The following CLYBL variants were observed in gnomAD, a reference collection of about 807,000 sequenced individuals.
The protein encoded by CLYBL is citramalyl-CoA lyase.
Under a neutral mutation model 38.9 loss-of-function variants are expected in CLYBL, and 31 were observed. The ratio of observed to expected loss-of-function variants is 0.80; its 90% CI spans 0.60 to 1.08. The LOEUF is 1.08. Ranked by LOEUF, CLYBL falls within the 50% of genes least tolerant of loss-of-function variation. The pLI, the probability that CLYBL is intolerant of heterozygous loss-of-function variation, is 0.00. For missense variants in CLYBL, 434 were observed against 411.6 expected (o/e 1.05, Z -0.47); for synonymous variants, 171 against 158.6 (o/e 1.08, Z -0.59).
At chr13:99,702,072 T>C (rs1040774713) in intron 1 of CLYBL, among the ~76,000 whole-genome samples, 1 of 152,236 alleles carries the variant, frequency 6.6e-6, no homozygotes, top group Admixed American at 6.5e-5. Context: ...ACTGATTGTC[T>C]ACTATGTGTT....
At chr13:99,778,429 T>C (rs1027119380) in intron 2 of CLYBL, among the ~76,000 whole-genome samples, 2 of 152,206 alleles carry the variant, frequency 1.3e-5, no homozygotes, top group African/African-American at 4.8e-5. Context: ...GTCACTTCAT[T>C]TTATATCTCA....
intron 2 of CLYBL, among the ~76,000 whole-genome samples, chr13:99,818,803 A>G (rs1461717329): frequency 6.6e-6 from 1 of 152,162 alleles, no homozygotes; most frequent in African/African-American, 2.4e-5. Flanking sequence ...ATATAATTTT[A>G]CATTAGCTCT....
At chr13:99,784,273 A>G (rs2138854234) in intron 2 of CLYBL, among the ~76,000 whole-genome samples, 1 of 152,248 alleles carries the variant, frequency 6.6e-6, no homozygotes, top group East Asian at 1.9e-4. Flanking sequence ...AGTCAAAGAT[A>G]TTACTAATGT....
Position 99,759,325 on chromosome 13 carries a change from A to G in CLYBL, c.63-13499A>G, listed in dbSNP as rs536962686. On this transcript the variant is annotated intron_variant, in intron 1 of 8. Transcript: ENST00000339105. ...GAAAGCAGGGGATAAACAGAGGAGCAGAAGCAACAGGTGGTGGATTGGATT... is the reference window on the plus strand; with the variant it reads ...GAAAGCAGGGGATAAACAGAGGAGCGGAAGCAACAGGTGGTGGATTGGATT... 2.6e-5 allele frequency among the ~76,000 whole-genome samples: 4 copies of G among 152,362 alleles called. No individual in the cohort carries two copies. The South Asian group carries it at 8.3e-4, about 32-fold the overall frequency.
At position 99,629,694 on chromosome 13, in the gene CLYBL, C is replaced by G. The variant is rs149104203; in HGVS notation, c.62+22937C>G. ...CTGTCCTTCATCTCAAAGACTGTTTCTTTAAAGTGGACACAGATGGGATTG... is the reference window on the plus strand; with the variant it reads ...CTGTCCTTCATCTCAAAGACTGTTTGTTTAAAGTGGACACAGATGGGATTG... On this transcript the variant is annotated intron_variant, in intron 1 of 8. Coordinates refer to ENST00000339105, the MANE Select transcript of CLYBL (RefSeq NM_206808.5). Among the ~76,000 whole-genome samples the G allele has an allele frequency of 1.8e-3, 275 of 152,296 alleles. 1 individual carries two copies. Among genetic ancestry groups the G allele is most frequent in the Non-Finnish European group, 3.3e-3 (224 of 68,026 alleles).
In CLYBL at chr13:99,908,772, C is replaced by T. The variant is rs191904964; in HGVS notation, c.*878C>T. Among the ~76,000 whole-genome samples the T allele has an allele frequency of 3.9e-5, 6 of 152,250 alleles. No individual in the cohort carries two copies. In the East Asian group the frequency reaches 1.2e-3, roughly 29 times the overall value. On this transcript the variant is annotated 3_prime_UTR_variant and NMD_transcript_variant, in exon 10 of 10. Transcript: ENST00000689673. ...GTGAGGTTGGATTTAACCACAGAGGCAGAAAGTTGGTCTACTTTGCTCGTT... is the reference window on the plus strand; with the variant it reads ...GTGAGGTTGGATTTAACCACAGAGGTAGAAAGTTGGTCTACTTTGCTCGTT...
At chr13:99,885,965 G>A (rs1447148394) in intron 7 of CLYBL, among the ~76,000 whole-genome samples, 2 of 152,156 alleles carry the variant, frequency 1.3e-5, no homozygotes, top group African/African-American at 4.8e-5. Context: ...ATTTGATCAC[G>A]GCCAACACTG....
In CLYBL at chr13:99,772,812, C is replaced by A; in HGVS notation, c.63-12C>A. ...TCTCATTCTGGACTAACCCCAATCA[C>A]GTGTCTTGCAGGAAAGCGTCTCTAG... On this transcript the variant is annotated splice_polypyrimidine_tract_variant and intron_variant, in intron 1 of 8. Transcript: ENST00000339105. 1.9e-6 allele frequency: 3 copies of A among 1,577,648 alleles called. No homozygotes were observed. The highest frequency in any genetic ancestry group is 2.6e-6 in the Non-Finnish European group (3 of 1,168,296).
chr13:99,907,446 GA>G lies in CLYBL; in HGVS notation c.*161-599del, dbSNP rs376686044. Among the ~76,000 whole-genome samples the G allele has an allele frequency of 9.3e-4, 137 of 147,370 alleles. No homozygotes were observed. In the South Asian group the frequency reaches 0.018, roughly 19 times the overall value. On this transcript the variant is annotated intron_variant and NMD_transcript_variant, in intron 9 of 9. Coordinates refer to the CLYBL transcript ENST00000689673. ...ATGTTAAAAAGAAATCACAACACTGGAAAAAAAAAACAATAAAATGTTAGCA... is the reference window on the plus strand; with the variant it reads ...ATGTTAAAAAGAAATCACAACACTGGAAAAAAAAACAATAAAATGTTAGCA...
chr13:99,644,290 G>A (rs1057132636), intron 1 of CLYBL, among the ~76,000 whole-genome samples: 5 of 151,606 alleles, frequency 3.3e-5, no homozygotes, highest in Admixed American at 6.6e-5. Context: ...GCATGTGCAA[G>A]CTCTCACTAT....
intron 2 of CLYBL, among the ~76,000 whole-genome samples, chr13:99,786,508 C>T (rs182080055): frequency 0.031 from 4,664 of 152,178 alleles, 97 homozygotes; most frequent in Non-Finnish European, 0.041. Context: ...TTTCCAGCTT[C>T]ATCCATGTCC....
chr13:99,905,684 T>C (rs2052689127), intron 9 of CLYBL, among the ~76,000 whole-genome samples: 1 of 150,568 alleles, frequency 6.6e-6, no homozygotes, highest in African/African-American at 2.4e-5. Context: ...GAAATTTTCA[T>C]GCAGCCATAA....
At chr13:99,663,976 A>C (rs2047444934) in intron 1 of CLYBL, among the ~76,000 whole-genome samples, 2 of 152,242 alleles carry the variant, frequency 1.3e-5, no homozygotes, top group African/African-American at 4.8e-5. Flanking sequence ...CTCCTTAAGA[A>C]CTTTGTAAAT....
chr13:99,752,823 G>A (rs2048982384), intron 1 of CLYBL, among the ~76,000 whole-genome samples: 2 of 152,130 alleles, frequency 1.3e-5, no homozygotes, highest in Admixed American at 1.3e-4. Flanking sequence ...AGGACCGTGG[G>A]GTCTCTGCCT....
At chr13:99,606,887 C>T in intron 1 of CLYBL, 130 bp downstream of exon 1, 1 of 1,261,134 alleles carries the variant, frequency 7.9e-7, no homozygotes, top group East Asian at 3.2e-5. Context: ...AAGCACCATG[C>T]GCCTCCCACG....
At chr13:99,648,147 CG>C (rs981537829) in intron 1 of CLYBL, among the ~76,000 whole-genome samples, 1 of 151,732 alleles carries the variant, frequency 6.6e-6, no homozygotes, top group African/African-American at 2.4e-5. Context: ...AAAGTATGTT[CG>C]GGGGGGAAAA....
chr13:99,867,834 C>G (rs1365716571), intron 6 of CLYBL, among the ~76,000 whole-genome samples: 1 of 152,218 alleles, frequency 6.6e-6, no homozygotes, highest in African/African-American at 2.4e-5. Context: ...TGCATCGACA[C>G]TGGCCCCTCC....
At chr13:99,861,967 G>A (rs1232567343) in intron 3 of CLYBL, among the ~76,000 whole-genome samples, 1 of 152,164 alleles carries the variant, frequency 6.6e-6, no homozygotes, top group African/African-American at 2.4e-5. Context: ...TATTCCTGCA[G>A]GGTGGTGACC....
intron 1 of CLYBL, among the ~76,000 whole-genome samples, chr13:99,695,811 C>T (rs965147136): frequency 1.3e-5 from 2 of 152,160 alleles, no homozygotes; most frequent in Non-Finnish European, 2.9e-5. Flanking sequence ...AGCCACCGTC[C>T]CCAGTGTGAC....
Sources: allele counts gnomAD v4.1 joint callset (sites outside exome capture counted in the v4.1 genomes callset), GRCh38; gene constraint gnomAD v4.1.1; transcripts MANE v1.5; gene names NCBI Gene and HGNC (gene_info 2026-07-23, HGNC 2026-07-21).